The following RBFOX1 variants were observed in gnomAD, a reference collection of about 807,000 sequenced individuals.
The protein encoded by RBFOX1 is RNA binding fox-1 homolog 1, also known as RNA binding protein fox-1 homolog 1.
A neutral mutation model predicts 57.7 loss-of-function variants in RBFOX1; 8 were observed. The ratio of observed to expected loss-of-function variants is 0.14; its 90% CI spans 0.08 to 0.25. The LOEUF (loss-of-function observed/expected upper bound fraction) is 0.25. Among genes scored for constraint, RBFOX1 ranks in the 10% least tolerant of loss-of-function variants. The pLI, the probability that RBFOX1 is intolerant of heterozygous loss-of-function variation, is 1.00. For synonymous variants in RBFOX1, 326 were observed against 222.4 expected, an observed-to-expected ratio of 1.47 and a Z score of -4.15; for missense variants, 611 against 548.5, an observed-to-expected ratio of 1.11 and a Z score of -1.14.
chr16:7,045,628 T>G (rs1377364697), intron 3 of RBFOX1, among the ~76,000 whole-genome samples: 1 of 151,832 alleles, frequency 6.6e-6, no homozygotes, highest in Admixed American at 6.6e-5. Flanking sequence ...AGGCAGATGT[T>G]AAAAATATTA....
At chr16:5,670,661 G>A (rs1458047294) in intron 3 of RBFOX1, among the ~76,000 whole-genome samples, 1 of 152,142 alleles carries the variant, frequency 6.6e-6, no homozygotes, top group Non-Finnish European at 1.5e-5. Flanking sequence ...ACTCATGTGC[G>A]GTTTAAACTG....
At chr16:6,365,381 T>C (rs1168488593) in intron 2 of RBFOX1, among the ~76,000 whole-genome samples, 1 of 151,506 alleles carries the variant, frequency 6.6e-6, no homozygotes, top group Admixed American at 6.6e-5. Context: ...GATGGGTGGA[T>C]AGGTGGATGG....
intron 2 of RBFOX1, among the ~76,000 whole-genome samples, chr16:6,566,164 AGTAGGCAAGGAG>A (rs2097263093): frequency 6.6e-6 from 1 of 152,226 alleles, no homozygotes; most frequent in Non-Finnish European, 1.5e-5. Context: ...CCTAAGTCCA[AGTAGGCAAGGAG>A]GTACAATCAC....
chr16:7,079,503 G>T (rs1237503568), intron 4 of RBFOX1, among the ~76,000 whole-genome samples: 1 of 152,184 alleles, frequency 6.6e-6, no homozygotes, highest in Non-Finnish European at 1.5e-5. Flanking sequence ...GCAACTCACA[G>T]TCCTTCTTTG....
intron 1 of RBFOX1, among the ~76,000 whole-genome samples, chr16:6,143,216 G>A (rs776999981): frequency 3.9e-5 from 6 of 152,208 alleles, no homozygotes; most frequent in Non-Finnish European, 4.4e-5. Context: ...AGCTGTCATT[G>A]AGTGCCTTGA....
At chr16:7,514,900 C>T (rs554405290) in intron 4 of RBFOX1, among the ~76,000 whole-genome samples, 1 of 152,162 alleles carries the variant, frequency 6.6e-6, no homozygotes, top group Non-Finnish European at 1.5e-5. Context: ...ATATATGTTC[C>T]TGGTGAAAGT....
chr16:7,272,673 G>C (rs1251262776), intron 4 of RBFOX1, among the ~76,000 whole-genome samples: 1 of 151,916 alleles, frequency 6.6e-6, no homozygotes, highest in East Asian at 1.9e-4. Flanking sequence ...AGAAGGGGGA[G>C]GGATGGAAGG....
chr16:6,054,815 C>T (rs970262911), intron 1 of RBFOX1, among the ~76,000 whole-genome samples: 7 of 152,036 alleles, frequency 4.6e-5, no homozygotes, highest in Non-Finnish European at 8.8e-5. Flanking sequence ...CAGAGTCTCA[C>T]TCTGTTACCT....
In RBFOX1 at chr16:7,587,309, C is replaced by G. The variant is rs2094181647; in HGVS notation, c.468+9C>G. On this transcript the variant is annotated intron_variant, in intron 7 of 15. Transcript: ENST00000550418. ...ATGAGCGAGGCTCAAAGGTAAGCAA[C>G]TTAATTCACTTTAGAATTGTTTAGT... 1 of 1,547,146 alleles carries G rather than the reference C, an allele frequency of 6.5e-7. No homozygotes were observed. Among genetic ancestry groups the G allele is most frequent in the South Asian group, 1.3e-5 (1 of 78,492 alleles).
chr16:5,865,949 C>T (rs141819891), intron 3 of RBFOX1, among the ~76,000 whole-genome samples: 1 of 151,890 alleles, frequency 6.6e-6, no homozygotes, highest in Admixed American at 6.6e-5. Flanking sequence ...AAAGTAAGTT[C>T]TCTGCTCTCT....
chr16:6,452,479 A>G (rs756818471), intron 2 of RBFOX1, among the ~76,000 whole-genome samples: 1 of 151,976 alleles, frequency 6.6e-6, no homozygotes, highest in African/African-American at 2.4e-5. Context: ...TCCTTCCATG[A>G]CTCCAGTGCC....
At chr16:6,730,491 AATCT>A (rs1568383300) in intron 3 of RBFOX1, among the ~76,000 whole-genome samples, 3 of 152,078 alleles carry the variant, frequency 2.0e-5, no homozygotes, top group Non-Finnish European at 4.4e-5. Context: ...CTAACTGTCT[AATCT>A]ATCTATCCAT....
At chr16:6,965,742 C>G (rs192769511) in intron 3 of RBFOX1, among the ~76,000 whole-genome samples, 1 of 152,172 alleles carries the variant, frequency 6.6e-6, no homozygotes, top group Non-Finnish European at 1.5e-5. Flanking sequence ...TGATAATAAT[C>G]ATGTTTATTA....
chr16:6,780,150 TATA>T (rs2080477963), intron 3 of RBFOX1, among the ~76,000 whole-genome samples: 1 of 39,422 alleles, frequency 2.5e-5, no homozygotes, highest in African/African-American at 1.6e-4. Flanking sequence ...TATATATATT[TATA>T]TATATATTTA....
Position 7,709,661 on chromosome 16 carries a change from G to A in RBFOX1, c.1071+530G>A, listed in dbSNP as rs766994636. 2.7e-5 allele frequency: 41 copies of A among 1,513,704 alleles called. No individual in the cohort carries two copies. The South Asian group carries it at 4.6e-4, about 17-fold the overall frequency. The allele number at this position is 1,513,704 out of a possible 1,614,324, so 93.8% of individuals were successfully genotyped here. A position where few individuals can be genotyped will look rare whatever the true frequency, so the allele number is the denominator to read the frequency against. On this transcript the variant is annotated intron_variant, in intron 15 of 15. Coordinates refer to ENST00000550418, the MANE Select transcript of RBFOX1 (RefSeq NM_018723.4). ...AAATAGAGAGGGGCACACTTTGTGT[G>A]TGTACCTAGTACATAAGAAAGTAGA...
rs59456791 is a variant in RBFOX1 at position 6,421,688 on chromosome 16, A to G, written c.-64+104631A>G. Reference sequence around the variant, plus strand: ...ATGGGTGCTTTAGATCACACACACAAAAAATGATCGGGATAAATTTAACAC... The same window carrying G: ...ATGGGTGCTTTAGATCACACACACAGAAAATGATCGGGATAAATTTAACAC... On this transcript the variant is annotated intron_variant, in intron 2 of 15. Transcript: ENST00000550418. Among the ~76,000 whole-genome samples the G allele has an allele frequency of 0.017, 2,538 of 152,238 alleles. 174 individuals carry two copies. In the East Asian group the frequency reaches 0.23, roughly 14 times the overall value.
chr16:5,472,039 C>T (rs370033561), intron 2 of RBFOX1, among the ~76,000 whole-genome samples: 3 of 152,276 alleles, frequency 2.0e-5, no homozygotes, highest in Admixed American at 6.5e-5. Context: ...ATCTCCTTGC[C>T]TTGTCTGCCT....
At chr16:6,483,556 G>T (rs1597910981) in intron 2 of RBFOX1, 1 of 1,525,544 alleles carries the variant, frequency 6.6e-7, no homozygotes. Context: ...TACGGCGAGC[G>T]AAGAAGACTC....
At chr16:5,353,832 C>T (rs1567375677) in intron 1 of RBFOX1, among the ~76,000 whole-genome samples, 1 of 151,792 alleles carries the variant, frequency 6.6e-6, no homozygotes, top group African/African-American at 2.4e-5. Context: ...CCTGTGGGGT[C>T]CACAAGATGC....
Sources: allele counts gnomAD v4.1 joint callset (sites outside exome capture counted in the v4.1 genomes callset), GRCh38; gene constraint gnomAD v4.1.1; transcripts MANE v1.5; gene names NCBI Gene and HGNC (gene_info 2026-07-23, HGNC 2026-07-21).